FAT1: variants seen among roughly 807,000 people sequenced by gnomAD.
FAT1 encodes FAT atypical cadherin 1, also known as protocadherin Fat 1.
Under a neutral mutation model 329.8 loss-of-function variants are expected in FAT1, and 171 were observed. That is an observed-to-expected ratio of 0.52 (90% CI 0.46 to 0.59). The LOEUF (loss-of-function observed/expected upper bound fraction) is 0.59, where lower values mean the gene tolerates loss of function less well. FAT1 is among the 20% of genes least tolerant of loss of function. The pLI is 0.00. For synonymous variants in FAT1, 2,233 were observed against 2,228.6 expected (o/e 1.00, Z -0.06); for missense variants, 5,672 against 5,774.4 (o/e 0.98, Z 0.57).
intron 2 of FAT1, among the ~76,000 whole-genome samples, chr4:186,688,475 C>T (rs964277018): frequency 1.3e-5 from 2 of 152,142 alleles, no homozygotes; most frequent in African/African-American, 4.8e-5. Context: ...AGTGAGATGG[C>T]CCCTGGGCAG....
intron 4 of FAT1, among the ~76,000 whole-genome samples, chr4:186,637,949 C>T (rs981254493): frequency 2.6e-5 from 4 of 152,160 alleles, no homozygotes; most frequent in African/African-American, 7.2e-5. Flanking sequence ...TTTAAACTCT[C>T]GAAACATTTC....
chr4:186,632,866 T>C (rs1334873636), intron 7 of FAT1, among the ~76,000 whole-genome samples: 1 of 152,210 alleles, frequency 6.6e-6, no homozygotes, highest in Non-Finnish European at 1.5e-5. Flanking sequence ...TTCTTTTTCA[T>C]TTAGGCCACA....
intron 2 of FAT1, among the ~76,000 whole-genome samples, chr4:186,697,843 G>A (rs892102980): frequency 2.6e-5 from 4 of 152,172 alleles, no homozygotes; most frequent in African/African-American, 9.7e-5. Flanking sequence ...GGAACCTCCA[G>A]AACAGAGGAT....
chr4:186,589,055 A>C lies in FAT1; in HGVS notation c.13304T>G (p.Phe4435Cys). 2 of 1,613,898 alleles carry C rather than the reference A, an allele frequency of 1.2e-6. No individual in the cohort carries two copies. The highest frequency in any genetic ancestry group is 2.2e-5 in the South Asian group (2 of 91,076). The change falls in exon 27 of 27, where the codon TTT (phenylalanine) becomes TGT (cysteine). Residue 4435 changes from phenylalanine (F) to cysteine (C), a missense_variant. This residue lies in a region of FAT1 where 1,706 missense variants were observed against 1,859.1 expected (regional missense o/e 0.92). Transcript: ENST00000441802. ...YPGGYDIESD[F>C]PPPPEDFPAA... is the part of the protein sequence containing the mutation. ...GGGGAAGTCTTCTGGGGGTGGAGGAAAATCACTTTCGATGTCGTAGCCTCC... is the reference window on the plus strand; with the variant it reads ...GGGGAAGTCTTCTGGGGGTGGAGGACAATCACTTTCGATGTCGTAGCCTCC...
Position 186,708,359 on chromosome 4 carries a change from G to C in FAT1, c.1469C>G (p.Pro490Arg), listed in dbSNP as rs2126695844. The change falls in exon 2 of 27, where the codon CCT (proline) becomes CGT (arginine). Residue 490 changes from proline (P) to arginine (R), a missense_variant. Physicochemically the swap from Pro to Arg is moderately radical, Grantham distance 103 (BLOSUM62 -2). This residue lies in a region of FAT1 where 3,966 missense variants were observed against 3,915.2 expected (regional missense o/e 1.01). Transcript: ENST00000441802. ...CACGTACCCGTTCTCACCCTCATCA[G>C]GGTCTACGGCACTCAGGCTCATGAC... ...TTVMSLSAVDPDEGENGYVTY... is the reference protein window; with the variant it reads ...TTVMSLSAVDRDEGENGYVTY... 5 of 1,613,862 alleles carry C rather than the reference G, an allele frequency of 3.1e-6. No individual in the cohort carries two copies. In the South Asian group the frequency reaches 5.5e-5, roughly 18 times the overall value.
chr4:186,702,536 GA>G (rs2126676640), intron 2 of FAT1, among the ~76,000 whole-genome samples: 1 of 152,304 alleles, frequency 6.6e-6, no homozygotes, highest in East Asian at 1.9e-4. Context: ...TCAGGGAACA[GA>G]CCTCAACCCA....
At chr4:186,721,171 C>T (rs1413517524) in intron 1 of FAT1, among the ~76,000 whole-genome samples, 1 of 152,188 alleles carries the variant, frequency 6.6e-6, no homozygotes, top group East Asian at 1.9e-4. Flanking sequence ...ATAGACTTAT[C>T]TTCACATACA....
rs761333177 is a variant in FAT1, at chr4:186,603,463, G to C, written c.11063C>G (p.Pro3688Arg). 1.2e-6 allele frequency: 2 copies of C among 1,613,986 alleles called. No individual in the cohort carries two copies. The highest frequency in any genetic ancestry group is 1.7e-6 in the Non-Finnish European group (2 of 1,179,896). Residue 3688 changes from proline to arginine, a missense_variant, in exon 19 of 27, where the codon CCT (proline) becomes CGT (arginine). Physicochemically the swap from Pro to Arg is moderately radical, Grantham distance 103. Around this residue, in one of 2 missense-constraint regions of FAT1, gnomAD observed 1,706 missense variants for 1,859.1 expected, o/e 0.92. Transcript: ENST00000441802. ...IQIVSLQSSE[P>R]HPHLDVLLFV... ...AAGTAAGACGTCCAGATGTGGGTGA[G>C]GTTCAGAGGACTGCAAACTAACAAT...
intron 2 of FAT1, among the ~76,000 whole-genome samples, chr4:186,689,129 A>C (rs1480209277): frequency 6.6e-6 from 1 of 152,242 alleles, no homozygotes; most frequent in Non-Finnish European, 1.5e-5. Flanking sequence ...TTAATGAATA[A>C]AGATTTCACT....
rs2126691163 is a variant in FAT1 at position 186,707,761 on chromosome 4, C to T, written c.2067G>A (p.Gln689=). The T allele has an allele frequency of 6.2e-7, 1 of 1,613,680 alleles. No homozygotes were observed. The highest frequency in any genetic ancestry group is 8.5e-7 in the Non-Finnish European group (1 of 1,179,898). The part of the protein sequence containing the change: ...VAKMLAEKLL[Q]ANKLHNQGEV... ...CTCCCTGGTTGTGTAATTTATTTGCCTGCAGGAGCTTCTCTGCCAGCATTT... is the reference window on the plus strand; with the variant it reads ...CTCCCTGGTTGTGTAATTTATTTGCTTGCAGGAGCTTCTCTGCCAGCATTT... Residue 689 remains glutamine, a synonymous_variant, in exon 2 of 27, where the codon CAG becomes CAA. Transcript: ENST00000441802.
At chr4:186,610,646 T>A (rs9993859) in intron 14 of FAT1, among the ~76,000 whole-genome samples, 2,032 of 84,224 alleles carry the variant, frequency 0.024, 78 homozygotes, top group African/African-American at 0.076. Flanking sequence ...ATTTATATAA[T>A]TTATATAAAT....
At chr4:186,701,797 T>C (rs1744327981) in intron 2 of FAT1, among the ~76,000 whole-genome samples, 1 of 152,236 alleles carries the variant, frequency 6.6e-6, no homozygotes. Flanking sequence ...GAATAATAAA[T>C]AGCTGAAACA....
intron 13 of FAT1, among the ~76,000 whole-genome samples, 170 bp from the exon 14 acceptor site, chr4:186,611,945 T>G (rs1739468005): frequency 6.6e-6 from 1 of 151,656 alleles, no homozygotes; most frequent in Non-Finnish European, 1.5e-5. Context: ...TGCCTCAGCC[T>G]CCCGAGTGGC....
At chr4:186,672,325 G>C (rs148803414) in intron 2 of FAT1, among the ~76,000 whole-genome samples, 1,811 of 152,110 alleles carry the variant, frequency 0.012, 27 homozygotes, top group African/African-American at 0.04. Context: ...ATCCCTCGTG[G>C]GCCAATCAAA....
intron 1 of FAT1, among the ~76,000 whole-genome samples, chr4:186,713,716 C>T (rs1291801395): frequency 2.0e-5 from 3 of 152,104 alleles, no homozygotes; most frequent in African/African-American, 4.8e-5. Flanking sequence ...AGTGCAGTGG[C>T]GCGATCACGG....
chr4:186,606,351 G>A (rs1739137040), intron 16 of FAT1, 138 bp from the exon 17 acceptor site: 1 of 804,408 alleles, frequency 1.2e-6, no homozygotes, highest in Non-Finnish European at 1.9e-6. Context: ...TGTGAGCGAT[G>A]CCCTAATCTC....
chr4:186,618,512 T>C lies in FAT1; in HGVS notation c.8074A>G (p.Lys2692Glu), dbSNP rs2126496153. The C allele has an allele frequency of 6.2e-7, 1 of 1,614,046 alleles. No individual in the cohort carries two copies. Among genetic ancestry groups the C allele is most frequent in the African/African-American group, 1.3e-5 (1 of 75,060 alleles). ...SKESVVLVYV[K>E]ILPPEMQLPK... ...AGCTGCATTTCCGGTGGAAGGATTT[T>C]AACATAGACAAGAACAACAGATTCT... The change falls in exon 10 of 27, where the codon AAA (lysine) becomes GAA (glutamate). Residue 2692 changes from lysine (K) to glutamate (E), a missense_variant. Physicochemically the swap from Lys to Glu is moderately conservative, Grantham distance 56 (BLOSUM62 1). Coordinates refer to ENST00000441802, the MANE Select transcript of FAT1 (RefSeq NM_005245.4).
intron 2 of FAT1, among the ~76,000 whole-genome samples, chr4:186,684,176 T>C (rs1031836566): frequency 2.0e-5 from 3 of 152,240 alleles, no homozygotes; most frequent in African/African-American, 4.8e-5. Context: ...CTTCATTACA[T>C]AGGAGTCTTA....
intron 9 of FAT1, among the ~76,000 whole-genome samples, chr4:186,624,039 G>A (rs779684947): frequency 2.6e-5 from 4 of 152,124 alleles, no homozygotes; most frequent in Non-Finnish European, 5.9e-5. Context: ...GTGTTTATGT[G>A]AAGAAACAAT....
Sources: gnomAD v4.1 joint callset for allele counts (sites outside exome capture counted in the v4.1 genomes callset) on GRCh38, gnomAD v4.1.1 for gene constraint, gnomAD v4.1.1 regional missense constraint, MANE v1.5 for transcripts, NCBI Gene and HGNC (gene_info 2026-07-23, HGNC 2026-07-21) for gene names.